Variants in MYO1H observed in about 807,000 individuals in gnomAD.
The protein encoded by MYO1H is unconventional myosin-Ih.
MYO1H carries 118 observed loss-of-function variants against 149.3 expected under a neutral mutation model. The observed-to-expected ratio is 0.79, with a 90% confidence interval of 0.68 to 0.92. The LOEUF (loss-of-function observed/expected upper bound fraction) is 0.92, where lower values mean the gene tolerates loss of function less well. MYO1H is among the 40% of genes least tolerant of loss of function. The pLI is 0.00. For missense variants in MYO1H, 1,212 were observed against 1,280.7 expected (o/e 0.95, Z 0.82); for synonymous variants, 447 against 465.2 (o/e 0.96, Z 0.50).
intron 22 of MYO1H, among the ~76,000 whole-genome samples, chr12:109,438,327 C>G (rs1438169384): frequency 6.6e-6 from 1 of 152,144 alleles, no homozygotes; most frequent in Non-Finnish European, 1.5e-5. Context: ...CCATAGCCCC[C>G]TCTGTTCTGT....
At chr12:109,352,108 T>G (rs78069100) in intron 1 of MYO1H, among the ~76,000 whole-genome samples, 3,768 of 152,328 alleles carry the variant, frequency 0.025, 63 homozygotes, top group Middle Eastern at 0.058. Context: ...TTTTCTCTTT[T>G]GGGGAATGGA....
the MYO1H span, among the ~76,000 whole-genome samples, chr12:109,320,470 A>AAAAAAAAAG: frequency 6.7e-6 from 1 of 148,888 alleles, no homozygotes; most frequent in African/African-American, 2.5e-5. Flanking sequence ...AAAAAAAAAA[A>AAAAAAAAAG]AAAAAAAGCC....
the MYO1H span, among the ~76,000 whole-genome samples, chr12:109,323,383 A>T: frequency 6.6e-6 from 1 of 152,240 alleles, no homozygotes; most frequent in Admixed American, 6.5e-5. Flanking sequence ...AGCAAGTGTC[A>T]TGGGCACAAA....
chr12:109,352,576 A>G (rs141787176), intron 1 of MYO1H, among the ~76,000 whole-genome samples: 4 of 152,232 alleles, frequency 2.6e-5, no homozygotes, highest in African/African-American at 9.6e-5. Context: ...TTTAGCATAG[A>G]TCTAACAGAT....
At chr12:109,372,350 T>C (rs1040073330) in intron 1 of MYO1H, among the ~76,000 whole-genome samples, 3 of 152,108 alleles carry the variant, frequency 2.0e-5, no homozygotes, top group Non-Finnish European at 4.4e-5. Flanking sequence ...AACTATCCAG[T>C]GTTTCCAACA....
the MYO1H span, among the ~76,000 whole-genome samples, chr12:109,321,797 GATACAGAGAAATAGAC>G: frequency 4.2e-3 from 643 of 152,304 alleles, 3 homozygotes; most frequent in African/African-American, 0.014. Context: ...TAATGGCAAT[GATACAGAGAAATAGAC>G]ATACAGGGAA....
At chr12:109,364,654 G>T (rs552774523) in intron 1 of MYO1H, among the ~76,000 whole-genome samples, 2 of 152,186 alleles carry the variant, frequency 1.3e-5, no homozygotes, top group African/African-American at 2.4e-5. Flanking sequence ...ATGTCTTATT[G>T]TTGTAAATTT....
intron 12 of MYO1H, among the ~76,000 whole-genome samples, chr12:109,410,316 A>C (rs1870612542): frequency 6.6e-6 from 1 of 151,704 alleles, no homozygotes. Flanking sequence ...TAATTGTTTT[A>C]CTTTTTGTAG....
At chr12:109,415,427 G>A in intron 14 of MYO1H, 99 bp from the exon 15 acceptor site, 2 of 1,117,238 alleles carry the variant, frequency 1.8e-6, no homozygotes, top group Non-Finnish European at 2.6e-6. Context: ...CGTGAGCCAA[G>A]ATTGTGCCAC....
At chr12:109,382,467 G>C (rs1017750919) in intron 1 of MYO1H, among the ~76,000 whole-genome samples, 3 of 152,146 alleles carry the variant, frequency 2.0e-5, no homozygotes, top group Non-Finnish European at 4.4e-5. Context: ...TGTGGACCTT[G>C]TTTGGATCCT....
chr12:109,417,594 TG>T (rs1221839731), intron 15 of MYO1H, among the ~76,000 whole-genome samples: 8 of 152,104 alleles, frequency 5.3e-5, no homozygotes, highest in Non-Finnish European at 7.4e-5. Context: ...CCCAAAATGC[TG>T]GGATTACAGG....
At chr12:109,436,518 G>A (rs80128266) in exon 22 of MYO1H, 2 of 1,611,312 alleles carry the variant, frequency 1.2e-6, no homozygotes, top group African/African-American at 2.7e-5. Context: ...TACAAACGCT[G>A]CCTAGGAAGG....
intron 16 of MYO1H, among the ~76,000 whole-genome samples, chr12:109,422,950 C>T (rs1320604040): frequency 1.3e-5 from 2 of 151,946 alleles, no homozygotes; most frequent in Non-Finnish European, 2.9e-5. Flanking sequence ...GGTGTGGTGG[C>T]ACACCCCTGT....
the MYO1H span, among the ~76,000 whole-genome samples, chr12:109,336,077 C>G: frequency 7.3e-6 from 1 of 136,674 alleles, no homozygotes; most frequent in East Asian, 2.1e-4. Flanking sequence ...AACCCCTGGG[C>G]TCAAGCAATC....
chr12:109,443,389 C>CACACAT (rs1194465276), intron 27 of MYO1H, 125 bp from the exon 28 acceptor site: 1 of 804,354 alleles, frequency 1.2e-6, no homozygotes, highest in Non-Finnish European at 1.9e-6. Context: ...CACACACACA[C>CACACAT]ACACATACAC....
chr12:109,327,182 G>C, the MYO1H span, among the ~76,000 whole-genome samples: 1 of 139,948 alleles, frequency 7.1e-6, no homozygotes, highest in Non-Finnish European at 1.5e-5. Flanking sequence ...ACCCAGGCTG[G>C]AGTACAGTGG....
intron 1 of MYO1H, among the ~76,000 whole-genome samples, chr12:109,349,703 G>A (rs971258725): frequency 6.7e-6 from 1 of 149,658 alleles, no homozygotes; most frequent in Non-Finnish European, 1.5e-5. Flanking sequence ...GCTCATGCCT[G>A]TAATCCCAGC....
In MYO1H at chr12:109,424,186, G is replaced by C. The variant is rs534708153; in HGVS notation, c.1645-562G>C. On this transcript the variant is annotated intron_variant, in intron 16 of 31. Coordinates refer to ENST00000310903, the Ensembl canonical transcript of MYO1H. ...ATTCTTTTTTTTCTTTTTGAGACAG[G>C]TTCTCAGTCTGTCACTCAGGCTGGA... Among the ~76,000 whole-genome samples the C allele has an allele frequency of 1.8e-4, 27 of 152,032 alleles. No individual in the cohort carries two copies. In the South Asian group the frequency reaches 2.7e-3, roughly 15 times the overall value.
chr12:109,404,315 TA>T (rs1203184963), intron 7 of MYO1H, among the ~76,000 whole-genome samples: 1 of 151,898 alleles, frequency 6.6e-6, no homozygotes, highest in Non-Finnish European at 1.5e-5. Flanking sequence ...CTGTCTGTAC[TA>T]AAAAAAAGTA....
Sources: allele counts gnomAD v4.1 joint callset (sites outside exome capture counted in the v4.1 genomes callset), GRCh38; gene constraint gnomAD v4.1.1; transcripts MANE v1.5; gene names NCBI Gene and HGNC (gene_info 2026-07-23, HGNC 2026-07-21).